Variants in AFM observed in about 807,000 individuals in gnomAD.
AFM encodes the protein afamin, also known as alpha-Alb.
AFM carries 82 observed loss-of-function variants against 68.7 expected under a neutral mutation model. The ratio of observed to expected loss-of-function variants is 1.19; its 90% CI spans 1.00 to 1.43. The LOEUF is 1.43. Among genes scored for constraint, AFM ranks in the 40% most tolerant of loss-of-function variants. AFM has a pLI of 0.00. For missense variants in AFM, 772 were observed against 701.8 expected, an observed-to-expected ratio of 1.10 and a Z score of -1.13; for synonymous variants, 250 against 234.2, an observed-to-expected ratio of 1.07 and a Z score of -0.61.
chr4:73,488,558 A>T, intron 6 of AFM, 72 bp from the exon 7 acceptor site: 1 of 1,376,930 alleles, frequency 7.3e-7, no homozygotes, highest in Non-Finnish European at 1.0e-6. Context: ...TTCATATCAT[A>T]TTAGCAAATT....
intron 8 of AFM, among the ~76,000 whole-genome samples, chr4:73,494,562 T>G (rs529481629): frequency 7.9e-5 from 12 of 152,314 alleles, no homozygotes; most frequent in African/African-American, 2.6e-4. Context: ...CAGTCTGTGA[T>G]TTAGTTTCCT....
intron 12 of AFM, 141 bp downstream of exon 12, chr4:73,500,368 G>A: frequency 1.4e-6 from 1 of 732,932 alleles, no homozygotes; most frequent in Non-Finnish European, 2.1e-6. Context: ...TCTTCTATAT[G>A]GAAAAATACA....
At chr4:73,484,440 CTCTTTCTTTCTTTCTTTCTTTCTT>C (rs71217474) in intron 3 of AFM, 50 bp downstream of exon 3, 280 of 1,077,236 alleles carry the variant, frequency 2.6e-4, no homozygotes, top group African/African-American at 9.1e-4. Flanking sequence ...GTCTTTCTTT[CTCTTTCTTTCTTTCTTTCTTTCTT>C]TCTTTCTTTC....
intron 12 of AFM, among the ~76,000 whole-genome samples, chr4:73,501,192 T>C (rs1721412597): frequency 1.3e-5 from 2 of 148,238 alleles, no homozygotes; most frequent in Admixed American, 6.6e-5. Context: ...TTATTGTCTA[T>C]GGCTGTTGTC....
chr4:73,487,865 G>T, intron 6 of AFM, 44 bp downstream of exon 6: 3 of 1,330,696 alleles, frequency 2.3e-6, no homozygotes, highest in South Asian at 2.4e-5. Flanking sequence ...GCATTTCCTT[G>T]TCTGTGTCCC....
At chr4:73,493,778 A>C (rs1721167820) in intron 8 of AFM, among the ~76,000 whole-genome samples, 1 of 152,218 alleles carries the variant, frequency 6.6e-6, no homozygotes, top group African/African-American at 2.4e-5. Context: ...ATGGTTGTGG[A>C]TATTAAATCA....
intron 11 of AFM, 98 bp from the exon 12 acceptor site, chr4:73,499,906 G>C: frequency 1.0e-6 from 1 of 998,454 alleles, no homozygotes; most frequent in South Asian, 1.5e-5. Flanking sequence ...GAGGTTAACA[G>C]TGATCTTAGA....
At chr4:73,484,857 C>G (rs1720847319) in intron 3 of AFM, among the ~76,000 whole-genome samples, 1 of 152,140 alleles carries the variant, frequency 6.6e-6, no homozygotes, top group South Asian at 2.1e-4. Context: ...GTTTCTTAAA[C>G]ACACAAGATT....
rs1434424034 is a variant in AFM, at chr4:73,481,971, T to G, written c.88+108T>G. Reference sequence around the variant, plus strand: ...AATTCTTTACTTGCTTTTTTCACCCTCTCACTAATTTACATAGGCTAACCA... The same window carrying G: ...AATTCTTTACTTGCTTTTTTCACCCGCTCACTAATTTACATAGGCTAACCA... On this transcript the variant is annotated intron_variant, in intron 1 of 14. Transcript: ENST00000226355. 7.7e-6 allele frequency: 6 copies of G among 776,198 alleles called. No homozygotes were observed. The Admixed American group carries it at 8.8e-5, about 11-fold the overall frequency. 48.1% of individuals were successfully genotyped at this position (776,198 alleles called of 1,614,324 possible).
At position 73,495,363 on chromosome 4, in the gene AFM, T is replaced by C. The variant is rs1055145813; in HGVS notation, c.1122T>C (p.Val374=). Residue 374 remains valine, a synonymous_variant, in exon 9 of 15, where the codon GTT becomes GTC. Coordinates refer to ENST00000226355, the MANE Select transcript of AFM (RefSeq NM_001133.2). The part of the protein sequence containing the change: ...DLSIPELLRI[V]QIYKDLLRNC... ...CTATACCAGAGCTTTTAAGAATTGT[T>C]CAAATATACAAAGATCTCCTGAGAA... 1.2e-6 allele frequency: 2 copies of C among 1,613,098 alleles called. No individual in the cohort carries two copies. Among genetic ancestry groups the C allele is most frequent in the African/African-American group, 1.3e-5 (1 of 74,804 alleles).
chr4:73,495,234 A>G, intron 8 of AFM, 66 bp from the exon 9 acceptor site: 1 of 1,460,856 alleles, frequency 6.8e-7, no homozygotes, highest in South Asian at 1.4e-5. Context: ...CTGGATTACA[A>G]AATAGTGGAA....
chr4:73,492,146 T>C, intron 8 of AFM, 60 bp downstream of exon 8: 1 of 1,478,506 alleles, frequency 6.8e-7, no homozygotes, highest in African/African-American at 1.4e-5. Flanking sequence ...AAGATTTGAC[T>C]TTTGTTGCTA....
chr4:73,490,421 TG>T (rs33912811), intron 7 of AFM, among the ~76,000 whole-genome samples: 92,690 of 151,902 alleles, frequency 0.61, 29,721 homozygotes, highest in Non-Finnish European at 0.72. Flanking sequence ...GGATTTTGTT[TG>T]TTTGTTTGTT....
At position 73,484,005 on chromosome 4, in the gene AFM, T is replaced by C. The variant is rs199879249; in HGVS notation, c.137+16T>C. The stretch of plus-strand genomic sequence containing the variant: ...TTGAATACATGTGAGTTGTGCTAAA[T>C]ACTTTTTGATGATGATTTTTAAAAT... On this transcript the variant is annotated intron_variant, in intron 2 of 14. Transcript: ENST00000226355. 7.1e-4 allele frequency: 1,063 copies of C among 1,502,168 alleles called. 15 individuals carry two copies. The South Asian group carries it at 0.011, about 15-fold the overall frequency. 93.1% of individuals were successfully genotyped at this position (1,502,168 alleles called of 1,614,324 possible).
chr4:73,502,869 A>G (rs1388576072), intron 13 of AFM, among the ~76,000 whole-genome samples, 181 bp from the exon 14 acceptor site: 1 of 152,178 alleles, frequency 6.6e-6, no homozygotes, highest in Non-Finnish European at 1.5e-5. Flanking sequence ...AATTTTTGGC[A>G]GTTGTAAAGA....
At chr4:73,491,388 GT>G (rs1490251790) in intron 7 of AFM, among the ~76,000 whole-genome samples, 1 of 152,162 alleles carries the variant, frequency 6.6e-6, no homozygotes, top group Non-Finnish European at 1.5e-5. Context: ...TCATCTGGTA[GT>G]TGCTGTAGTT....
chr4:73,503,106 C>T lies in AFM; in HGVS notation c.*36C>T, dbSNP rs374840160. ...TGGAGATATGTAAAGAAAAAAGCAC[C>T]AAAGGTAATACCCTCTGCCTCATTC... On this transcript the variant is annotated 3_prime_UTR_variant, in exon 14 of 15. Coordinates refer to ENST00000226355, the MANE Select transcript of AFM (RefSeq NM_001133.2). The T allele has an allele frequency of 1.4e-5, 22 of 1,608,020 alleles. No individual in the cohort carries two copies. The highest frequency in any genetic ancestry group is 1.9e-5 in the Non-Finnish European group (22 of 1,174,990).
rs1218496517 is a variant in AFM, at chr4:73,485,868, G to A, written c.277G>A (p.Val93Ile). The change falls in exon 4 of 15, where the codon GTT becomes ATT. Residue 93 changes from valine to isoleucine, a missense_variant. Val to Ile is a conservative substitution (Grantham distance 29). Coordinates refer to ENST00000226355, the MANE Select transcript of AFM (RefSeq NM_001133.2). The stretch of plus-strand genomic sequence containing the variant: ...TTTCTTCTCTGTTGTATAGAATAAT[G>A]TTTTACAGGAAAAAATATGTGCTAT... The part of the protein sequence containing the change: ...LPECSKLPNN[V>I]LQEKICAMEG... The A allele has an allele frequency of 2.5e-6, 4 of 1,613,428 alleles. No individual in the cohort carries two copies. The highest frequency in any genetic ancestry group is 1.3e-5 in the African/African-American group (1 of 74,982).
rs60177345 is a variant in AFM at position 73,503,249 on chromosome 4, C to T, written c.*40+139C>T. On this transcript the variant is annotated intron_variant, in intron 14 of 14. Coordinates refer to ENST00000226355, the MANE Select transcript of AFM (RefSeq NM_001133.2). ...AAATGCACATGTAGCTAACAGACCCCGATATTGTTCCTGTGTTTTTCTGGG... is the reference window on the plus strand; with the variant it reads ...AAATGCACATGTAGCTAACAGACCCTGATATTGTTCCTGTGTTTTTCTGGG... 5.5e-4 allele frequency: 360 copies of T among 651,564 alleles called. 5 individuals are homozygous for T. In the African/African-American group the frequency reaches 5.9e-3, roughly 11 times the overall value. 40.4% of individuals were successfully genotyped at this position (651,564 alleles called of 1,614,324 possible). A position where few individuals can be genotyped will look rare whatever the true frequency, so the allele number is the denominator to read the frequency against.
Sources: allele counts gnomAD v4.1 joint callset (sites outside exome capture counted in the v4.1 genomes callset), GRCh38; gene constraint gnomAD v4.1.1; transcripts MANE v1.5; gene names NCBI Gene and HGNC (gene_info 2026-07-23, HGNC 2026-07-21).